Variants in GRID2 observed in about 807,000 individuals in gnomAD.
GRID2 encodes the protein glutamate ionotropic receptor delta type subunit 2, also known as glutamate receptor ionotropic, delta-2.
A neutral mutation model predicts 114.8 loss-of-function variants in GRID2; 33 were observed. The observed-to-expected ratio is 0.29, with a 90% CI of 0.22 to 0.38. The LOEUF is 0.38. GRID2 is among the 10% of genes least tolerant of loss of function. GRID2 has a pLI of 1.00. For missense variants in GRID2, 1,184 were observed against 1,257.7 expected, an observed-to-expected ratio of 0.94 and a Z score of 0.89; for synonymous variants, 505 against 449.9, an observed-to-expected ratio of 1.12 and a Z score of -1.55.
chr4:92,540,354 C>A (rs992150174), intron 1 of GRID2, among the ~76,000 whole-genome samples: 1 of 152,142 alleles, frequency 6.6e-6, no homozygotes. Context: ...TCAGAGTGAA[C>A]AGGCAACCTA....
chr4:92,450,391 C>G (rs1388198395), intron 1 of GRID2, among the ~76,000 whole-genome samples: 1 of 151,754 alleles, frequency 6.6e-6, no homozygotes, highest in African/African-American at 2.4e-5. Flanking sequence ...GATAAGACCT[C>G]GAAGGAACAG....
intron 7 of GRID2, among the ~76,000 whole-genome samples, chr4:93,227,269 A>C (rs1045857550): frequency 1.1e-4 from 16 of 152,076 alleles, no homozygotes; most frequent in Non-Finnish European, 2.1e-4. Flanking sequence ...ACAGTCTCGC[A>C]CAGGCTGGAG....
At chr4:92,638,622 C>A (rs563003731) in intron 2 of GRID2, among the ~76,000 whole-genome samples, 2 of 149,416 alleles carry the variant, frequency 1.3e-5, no homozygotes, top group Admixed American at 6.7e-5. Flanking sequence ...TTGCACAGTG[C>A]TTATAAATAG....
At chr4:93,085,308 G>A in intron 3 of GRID2, 29 bp downstream of exon 3, 1 of 1,535,712 alleles carries the variant, frequency 6.5e-7, no homozygotes, top group Non-Finnish European at 9.0e-7. Context: ...TTTAGGTTTT[G>A]TAAGCTGATA....
chr4:92,879,154 TATG>T (rs1357957614), intron 2 of GRID2, among the ~76,000 whole-genome samples: 2 of 152,144 alleles, frequency 1.3e-5, no homozygotes, highest in African/African-American at 4.8e-5. Context: ...AGATATAAAA[TATG>T]GTGATTTTAT....
intron 14 of GRID2, among the ~76,000 whole-genome samples, chr4:93,657,606 G>C (rs780609724): frequency 6.6e-6 from 1 of 151,808 alleles, no homozygotes; most frequent in East Asian, 1.9e-4. Flanking sequence ...ATTCATACCT[G>C]TGCACCAAAG....
At chr4:92,648,730 C>A (rs75993660) in intron 2 of GRID2, among the ~76,000 whole-genome samples, 7,272 of 148,938 alleles carry the variant, frequency 0.049, 383 homozygotes, top group East Asian at 0.093. Flanking sequence ...TATACCACAA[C>A]CATTTTAGTA....
At chr4:92,988,694 G>T (rs1754657617) in intron 2 of GRID2, among the ~76,000 whole-genome samples, 1 of 152,082 alleles carries the variant, frequency 6.6e-6, no homozygotes, top group Non-Finnish European at 1.5e-5. Context: ...TTAACTTATG[G>T]TCCCTATCCT....
chr4:92,553,030 C>A (rs1440131785), intron 1 of GRID2, among the ~76,000 whole-genome samples: 1 of 152,130 alleles, frequency 6.6e-6, no homozygotes, highest in South Asian at 2.1e-4. Flanking sequence ...CTGCAACATA[C>A]CTACTTGCTT....
intron 2 of GRID2, among the ~76,000 whole-genome samples, chr4:92,691,601 C>A (rs1179162610): frequency 6.6e-6 from 1 of 152,228 alleles, no homozygotes; most frequent in Admixed American, 6.5e-5. Context: ...AAAGAGGATA[C>A]ACTGACATAT....
rs1000031330 is a variant in GRID2, at chr4:92,377,019, G to T, written c.88+72275G>T. On this transcript the variant is annotated intron_variant, in intron 1 of 15. Coordinates refer to ENST00000282020, the MANE Select transcript of GRID2 (RefSeq NM_001510.4). ...CTGGAAATATTTTTGCCATTGTCTT[G>T]GGGATTAACATTTGGCTGTTTGTTA... Among the ~76,000 whole-genome samples, 7 of 152,138 alleles carry T rather than the reference G, an allele frequency of 4.6e-5. No homozygotes were observed. The East Asian group carries it at 1.4e-3, about 29-fold the overall frequency.
At chr4:93,007,706 T>C (rs1274172550) in intron 2 of GRID2, among the ~76,000 whole-genome samples, 1 of 152,106 alleles carries the variant, frequency 6.6e-6, no homozygotes. Flanking sequence ...GATAAATATG[T>C]TCTGACAAAT....
intron 2 of GRID2, among the ~76,000 whole-genome samples, chr4:92,666,064 A>T (rs1732759038): frequency 6.6e-6 from 1 of 151,178 alleles, no homozygotes. Context: ...GGTCTTCATG[A>T]TTGTGTTTTA....
chr4:92,602,829 T>C (rs1729281540), intron 2 of GRID2, among the ~76,000 whole-genome samples: 1 of 152,206 alleles, frequency 6.6e-6, no homozygotes, highest in Admixed American at 6.5e-5. Context: ...CAAAAGCTTC[T>C]TAAGCTAATA....
At chr4:93,045,794 T>C (rs1726079740) in intron 2 of GRID2, among the ~76,000 whole-genome samples, 1 of 152,146 alleles carries the variant, frequency 6.6e-6, no homozygotes, top group Non-Finnish European at 1.5e-5. Flanking sequence ...CTCTCACACT[T>C]ACTTTTCCCA....
chr4:92,853,071 T>C (rs763244427), intron 2 of GRID2, among the ~76,000 whole-genome samples: 33 of 151,988 alleles, frequency 2.2e-4, no homozygotes, highest in Non-Finnish European at 4.6e-4. Flanking sequence ...CCTTGACATA[T>C]AGCACAGACT....
At chr4:93,727,336 C>A (rs1431190323) in intron 14 of GRID2, among the ~76,000 whole-genome samples, 1 of 152,064 alleles carries the variant, frequency 6.6e-6, no homozygotes, top group Admixed American at 6.6e-5. Flanking sequence ...GGGATGAAGC[C>A]CACTTGATCA....
intron 13 of GRID2, among the ~76,000 whole-genome samples, chr4:93,535,773 G>T (rs959108694): frequency 6.6e-6 from 1 of 151,874 alleles, no homozygotes; most frequent in Admixed American, 6.6e-5. Flanking sequence ...AGTTGTTTGA[G>T]TTCCTTATAT....
intron 9 of GRID2, among the ~76,000 whole-genome samples, chr4:93,399,708 G>A (rs1322300796): frequency 3.3e-5 from 5 of 152,134 alleles, no homozygotes; most frequent in Middle Eastern, 6.8e-3. Context: ...ACCAAAATCA[G>A]GCTATGAGGA....
Sources: allele counts gnomAD v4.1 joint callset (sites outside exome capture counted in the v4.1 genomes callset), GRCh38; gene constraint gnomAD v4.1.1; transcripts MANE v1.5; gene names NCBI Gene and HGNC (gene_info 2026-07-23, HGNC 2026-07-21).